The following GTF3C5 variants were observed in gnomAD, a reference collection of about 807,000 sequenced individuals.
GTF3C5 encodes the protein general transcription factor 3C polypeptide 5.
Under a neutral mutation model 61.0 loss-of-function variants are expected in GTF3C5, and 47 were observed. The observed-to-expected ratio is 0.77, with a 90% CI of 0.61 to 0.98. GTF3C5 has a LOEUF of 0.98. Ranked by LOEUF, GTF3C5 falls within the 50% of genes least tolerant of loss-of-function variation. The pLI is 0.00. For missense variants in GTF3C5, 659 were observed against 703.3 expected, an observed-to-expected ratio of 0.94 and a Z score of 0.71; for synonymous variants, 295 against 275.4, an observed-to-expected ratio of 1.07 and a Z score of -0.71.
intron 1 of GTF3C5, among the ~76,000 whole-genome samples, chr9:133,035,210 A>G (rs1254504574): frequency 3.3e-5 from 5 of 152,204 alleles, no homozygotes; most frequent in African/African-American, 4.8e-5. Context: ...CTTTAATTAC[A>G]TTATTAGCAG....
chr9:133,035,777 C>T (rs1441372456), intron 1 of GTF3C5, among the ~76,000 whole-genome samples: 1 of 152,298 alleles, frequency 6.6e-6, no homozygotes, highest in East Asian at 1.9e-4. Context: ...AAAGACCTTT[C>T]TGGTGTCCTG....
At position 133,031,016 on chromosome 9, in the gene GTF3C5, C is replaced by T; in HGVS notation, c.5C>T (p.Ala2Val). ...GGCCCTGCCAGACGCACAGGGATGG[C>T]GGCGGAGGCGGCCGATTTGGGGCTG... The part of the protein sequence containing the change: M[A>V]AEAADLGLGA... The change falls in exon 1 of 11, where the codon GCG (alanine) becomes GTG (valine). Residue 2 changes from alanine (A) to valine (V), a missense_variant. Physicochemically the swap from Ala to Val is moderately conservative, Grantham distance 64. Transcript: ENST00000372097. The T allele has an allele frequency of 6.2e-7, 1 of 1,611,766 alleles. No homozygotes were observed. The highest frequency in any genetic ancestry group is 1.7e-4 in the Middle Eastern group (1 of 6,050).
At chr9:133,052,491 C>T (rs1037295601) in intron 5 of GTF3C5, among the ~76,000 whole-genome samples, 1 of 151,894 alleles carries the variant, frequency 6.6e-6, no homozygotes. Context: ...TCCAGGGCGC[C>T]CTCCACAGCC....
At chr9:133,039,106 G>A (rs1313524472) in intron 1 of GTF3C5, among the ~76,000 whole-genome samples, 1 of 152,152 alleles carries the variant, frequency 6.6e-6, no homozygotes, top group Non-Finnish European at 1.5e-5. Flanking sequence ...CAGCAAGTGG[G>A]GCAGCTGGAG....
At position 133,043,896 on chromosome 9, in the gene GTF3C5, A is replaced by T; in HGVS notation, c.542A>T (p.Asp181Val). 6.2e-7 allele frequency: 1 copy of T among 1,614,000 alleles called. No homozygotes were observed. ...PIFSRLDAPV[D>V]YFYRPETQHR... ...TTCTCCCGGCTGGACGCCCCGGTGG[A>T]CTACTTCTACCGACCAGAGACCCAG... Residue 181 changes from aspartate to valine, a missense_variant, in exon 3 of 11, where the codon GAC becomes GTC. Physicochemically the swap from Asp to Val is radical, Grantham distance 152. Coordinates refer to ENST00000372097, the MANE Select transcript of GTF3C5 (RefSeq NM_012087.4).
chr9:133,032,016 C>T (rs547916141), intron 1 of GTF3C5, among the ~76,000 whole-genome samples: 2 of 152,132 alleles, frequency 1.3e-5, no homozygotes, highest in Admixed American at 6.5e-5. Flanking sequence ...GCTGAACATA[C>T]TGACATATTG....
rs1167553565 is a variant in GTF3C5, at chr9:133,054,498, C to T, written c.1069+10C>T. 1.2e-6 allele frequency: 2 copies of T among 1,612,462 alleles called. No homozygotes were observed. The highest frequency in any genetic ancestry group is 3.3e-5 in the Admixed American group (2 of 60,020). Reference sequence around the variant, plus strand: ...ACCGTCAAGAAGACATGTAAGCGTGCCAGGCGCCTTTTGTGGGTCATGAGT... The same window carrying T: ...ACCGTCAAGAAGACATGTAAGCGTGTCAGGCGCCTTTTGTGGGTCATGAGT... On this transcript the variant is annotated intron_variant, in intron 7 of 10. Coordinates refer to ENST00000372097, the MANE Select transcript of GTF3C5 (RefSeq NM_012087.4).
At chr9:133,038,220 A>AACTC (rs1284140767) in intron 1 of GTF3C5, among the ~76,000 whole-genome samples, 1 of 152,090 alleles carries the variant, frequency 6.6e-6, no homozygotes, top group Non-Finnish European at 1.5e-5. Flanking sequence ...TTTGAGGAGG[A>AACTC]ACTCACTCAA....
chr9:133,055,139 A>T (rs1248484920), intron 8 of GTF3C5: 35 of 1,547,386 alleles, frequency 2.3e-5, no homozygotes, highest in Non-Finnish European at 3.0e-5. Context: ...AATGATCGGA[A>T]TTGGGCACAC....
intron 6 of GTF3C5, 109 bp downstream of exon 6, chr9:133,054,051 C>G (rs1829841305): frequency 1.3e-6 from 1 of 778,678 alleles, no homozygotes; most frequent in South Asian, 1.8e-5. Flanking sequence ...AATAAAAAAA[C>G]CTTTTGCCCC....
Position 133,055,901 on chromosome 9 carries a change from G to GACC in GTF3C5, c.1168-109_1168-107dup, listed in dbSNP as rs1356240347. 70 of 1,495,862 alleles carry GACC rather than the reference G, an allele frequency of 4.7e-5. 1 individual carries two copies. In the African/African-American group the frequency reaches 9.0e-4, roughly 19 times the overall value. 92.7% of individuals were successfully genotyped at this position (1,495,862 alleles called of 1,614,324 possible). A position where few individuals can be genotyped will look rare whatever the true frequency, so the allele number is the denominator to read the frequency against. ...CCTGTCTGCCCAACCTGCTCCTGGTGACCAGCCAGCTCCCTGGAGAGACCC... is the reference window on the plus strand; with the variant it reads ...CCTGTCTGCCCAACCTGCTCCTGGTGACCACCAGCCAGCTCCCTGGAGAGACCC... On this transcript the variant is annotated intron_variant, in intron 8 of 10. Transcript: ENST00000372097.
At chr9:133,046,196 G>A (rs537260129) in intron 3 of GTF3C5, among the ~76,000 whole-genome samples, 1 of 152,274 alleles carries the variant, frequency 6.6e-6, no homozygotes, top group East Asian at 1.9e-4. Context: ...GGGCATGGTG[G>A]CGTGCACCTG....
chr9:133,054,504 G>A lies in GTF3C5; in HGVS notation c.1069+16G>A, dbSNP rs775095862. 6.8e-6 allele frequency: 11 copies of A among 1,610,678 alleles called. No homozygotes were observed. The highest frequency in any genetic ancestry group is 4.4e-5 in the South Asian group (4 of 91,004). ...AAGAAGACATGTAAGCGTGCCAGGC[G>A]CCTTTTGTGGGTCATGAGTGATTTG... On this transcript the variant is annotated intron_variant, in intron 7 of 10. Transcript: ENST00000372097.
At chr9:133,052,782 G>T (rs1467358885) in intron 5 of GTF3C5, among the ~76,000 whole-genome samples, 1 of 152,098 alleles carries the variant, frequency 6.6e-6, no homozygotes, top group Non-Finnish European at 1.5e-5. Flanking sequence ...TTGGACTTCC[G>T]GCTCAGGAGA....
rs558379567 is a variant in GTF3C5, at chr9:133,054,539, G to A, written c.1069+51G>A. Reference sequence around the variant, plus strand: ...GGTCATGAGTGATTTGCCAAGGAAGGCGGGGCACCTGGACCCAGACGGGGA... The same window carrying A: ...GGTCATGAGTGATTTGCCAAGGAAGACGGGGCACCTGGACCCAGACGGGGA... On this transcript the variant is annotated intron_variant, in intron 7 of 10. Transcript: ENST00000372097. 1.2e-4 allele frequency: 194 copies of A among 1,563,262 alleles called. 3 individuals are homozygous for A. The East Asian group carries it at 4.3e-3, about 35-fold the overall frequency.
rs115283369 is a variant in GTF3C5, at chr9:133,051,910, G to T, written c.769-150G>T. 4.8e-3 allele frequency: 2,497 copies of T among 516,116 alleles called. 28 individuals carry two copies. Among genetic ancestry groups the T allele is most frequent in the African/African-American group, 0.035 (1,744 of 50,408 alleles). 32.0% of individuals were successfully genotyped at this position (516,116 alleles called of 1,614,324 possible). ...AGGGATGAATTAGTGAGAGCAGGAG[G>T]TCCTAGGGCCACGCCCTGTGTGTCC... On this transcript the variant is annotated intron_variant, in intron 4 of 10. Coordinates refer to ENST00000372097, the MANE Select transcript of GTF3C5 (RefSeq NM_012087.4).
intron 8 of GTF3C5, 190 bp from the exon 9 acceptor site, chr9:133,055,822 G>A (rs1012259094): frequency 4.3e-6 from 6 of 1,397,738 alleles, no homozygotes; most frequent in African/African-American, 2.9e-5. Flanking sequence ...CTCTCCCAGA[G>A]CCTCCTGGGG....
At chr9:133,050,698 T>C in intron 3 of GTF3C5, 85 bp from the exon 4 acceptor site, 1 of 972,732 alleles carries the variant, frequency 1.0e-6, no homozygotes, top group South Asian at 1.5e-5. Context: ...CCTTGGGGGG[T>C]TCTGGGCTCC....
At position 133,043,925 on chromosome 9, in the gene GTF3C5, C is replaced by T. The variant is rs1156827712; in HGVS notation, c.571C>T (p.Arg191Trp). ...CTTCTACCGACCAGAGACCCAGCACCGGTAAGGCCCCCCTCCATGCAGCCT... is the reference window on the plus strand; with the variant it reads ...CTTCTACCGACCAGAGACCCAGCACTGGTAAGGCCCCCCTCCATGCAGCCT... Reference protein sequence around the residue: ...DYFYRPETQHREGYNNPPISG... With the variant: ...DYFYRPETQHWEGYNNPPISG... Residue 191 changes from arginine (R) to tryptophan (W), a missense_variant and splice_region_variant, in exon 3 of 11, where the codon CGG becomes TGG. Coordinates refer to ENST00000372097, the MANE Select transcript of GTF3C5 (RefSeq NM_012087.4). 1.9e-6 allele frequency: 3 copies of T among 1,611,032 alleles called. No homozygotes were observed. Among genetic ancestry groups the T allele is most frequent in the Non-Finnish European group, 2.5e-6 (3 of 1,177,348 alleles).
Sources: allele counts gnomAD v4.1 joint callset (sites outside exome capture counted in the v4.1 genomes callset), GRCh38; gene constraint gnomAD v4.1.1; transcripts MANE v1.5; gene names NCBI Gene and HGNC (gene_info 2026-07-23, HGNC 2026-07-21).